The following GDPD4 variants were observed in gnomAD, a reference collection of about 807,000 sequenced individuals.
The protein encoded by GDPD4 is glycerophosphodiester phosphodiesterase 6.
In GDPD4, 60 loss-of-function variants were observed where a neutral mutation model predicts 67.8. The observed-to-expected ratio is 0.88, with a 90% CI of 0.72 to 1.10. GDPD4 has a LOEUF of 1.10. GDPD4 is among the 50% of genes least tolerant of loss of function. GDPD4 has a pLI of 0.00. For synonymous variants in GDPD4, 212 were observed against 210.9 expected, an observed-to-expected ratio of 1.00 and a Z score of -0.04; for missense variants, 623 against 613.9, an observed-to-expected ratio of 1.01 and a Z score of -0.16.
In GDPD4 at chr11:77,268,541, T is replaced by G. The variant is rs117320886; in HGVS notation, c.625-2A>C. The stretch of plus-strand genomic sequence containing the variant: ...CATCATGGTATTCTCAGGCCCCAAC[T>G]GTAGAAGAAAAGGACATCAGGCCCT... On this transcript the variant is annotated splice_acceptor_variant, in intron 9 of 16. Coordinates refer to ENST00000315938, the MANE Select transcript of GDPD4 (RefSeq NM_182833.3). LOFTEE classifies it high-confidence loss of function. The G allele has an allele frequency of 7.7e-4, 1,244 of 1,609,442 alleles. 14 individuals carry two copies. In the East Asian group the frequency reaches 0.023, roughly 30 times the overall value.
chr11:77,253,102 T>C (rs1012422246), intron 11 of GDPD4, among the ~76,000 whole-genome samples: 2 of 152,292 alleles, frequency 1.3e-5, no homozygotes, highest in African/African-American at 4.8e-5. Flanking sequence ...TGGACATAGG[T>C]TGCCCACACC....
At chr11:77,298,749 G>A (rs1487369505) in intron 1 of GDPD4, among the ~76,000 whole-genome samples, 3 of 152,064 alleles carry the variant, frequency 2.0e-5, no homozygotes, top group East Asian at 3.9e-4. Context: ...ATTCTTTACA[G>A]ATGCCACGCC....
intron 12 of GDPD4, among the ~76,000 whole-genome samples, chr11:77,244,690 AT>A (rs1286387376): frequency 1.3e-5 from 2 of 152,104 alleles, no homozygotes; most frequent in Non-Finnish European, 2.9e-5. Context: ...TTTAAAAAAA[AT>A]CATCTTTGAG....
intron 1 of GDPD4, among the ~76,000 whole-genome samples, chr11:77,294,437 T>G (rs1937882182): frequency 6.6e-6 from 1 of 152,202 alleles, no homozygotes; most frequent in South Asian, 2.1e-4. Context: ...ATCTGCATGC[T>G]GAAAACTATA....
At chr11:77,234,112 G>A (rs1280179504) in intron 13 of GDPD4, among the ~76,000 whole-genome samples, 1 of 152,100 alleles carries the variant, frequency 6.6e-6, no homozygotes, top group African/African-American at 2.4e-5. Context: ...ACAAGCCTGG[G>A]TTTGAATCCC....
intron 14 of GDPD4, among the ~76,000 whole-genome samples, chr11:77,229,884 T>G (rs1185000930): frequency 6.6e-6 from 1 of 152,166 alleles, no homozygotes; most frequent in Non-Finnish European, 1.5e-5. Flanking sequence ...GTCCTCTCAT[T>G]GAGTTTGATG....
chr11:77,272,934 C>G (rs376729259), intron 5 of GDPD4, among the ~76,000 whole-genome samples: 1 of 151,870 alleles, frequency 6.6e-6, no homozygotes, highest in Non-Finnish European at 1.5e-5. Flanking sequence ...GCTTCACAGG[C>G]GTCATTTTGG....
intron 1 of GDPD4, among the ~76,000 whole-genome samples, chr11:77,299,760 C>T (rs914073643): frequency 6.6e-6 from 1 of 152,112 alleles, no homozygotes; most frequent in Non-Finnish European, 1.5e-5. Context: ...TGGTTGAGCC[C>T]AAAGTCAACA....
chr11:77,279,520 A>C, intron 3 of GDPD4, 121 bp from the exon 4 acceptor site: 1 of 530,486 alleles, frequency 1.9e-6, no homozygotes, highest in Non-Finnish European at 3.5e-6. Context: ...AAAAAGAAGC[A>C]GTGTGTGAAC....
chr11:77,297,330 A>G (rs908485094), intron 1 of GDPD4, among the ~76,000 whole-genome samples: 1 of 151,814 alleles, frequency 6.6e-6, no homozygotes. Flanking sequence ...GCGGATCACG[A>G]GGTCAGGAGA....
Position 77,301,258 on chromosome 11 carries a change from C to T in GDPD4, c.-254+347G>A, listed in dbSNP as rs576976290. ...CCCTGATGTTTTTTCCCTCTAAAAT[C>T]GATTCCTCCTGCAATCTGTCCCATC... On this transcript the variant is annotated intron_variant, in intron 1 of 16. Coordinates refer to ENST00000315938, the MANE Select transcript of GDPD4 (RefSeq NM_182833.3). Among the ~76,000 whole-genome samples, 5 of 152,210 alleles carry T rather than the reference C, an allele frequency of 3.3e-5. No individual in the cohort carries two copies. The South Asian group carries it at 8.3e-4, about 25-fold the overall frequency.
intron 13 of GDPD4, among the ~76,000 whole-genome samples, chr11:77,237,255 AAT>A (rs1958585826): frequency 6.6e-6 from 1 of 152,188 alleles, no homozygotes; most frequent in South Asian, 2.1e-4. Flanking sequence ...AGCCACAATC[AAT>A]GTCTCTCCTT....
chr11:77,279,757 A>C (rs1034897317), intron 3 of GDPD4, among the ~76,000 whole-genome samples: 3 of 152,070 alleles, frequency 2.0e-5, no homozygotes, highest in African/African-American at 7.2e-5. Flanking sequence ...AATACTTTAC[A>C]CTTTGGCAGG....
intron 12 of GDPD4, among the ~76,000 whole-genome samples, chr11:77,244,982 G>A (rs949077545): frequency 1.3e-5 from 2 of 152,112 alleles, no homozygotes; most frequent in African/African-American, 4.8e-5. Flanking sequence ...CTATGTTGGT[G>A]TGGTGCAGGT....
intron 1 of GDPD4, among the ~76,000 whole-genome samples, chr11:77,297,067 A>C (rs1040040391): frequency 1.3e-5 from 2 of 151,452 alleles, no homozygotes; most frequent in African/African-American, 4.9e-5. Flanking sequence ...AAACAAAAAA[A>C]AAAAAACAAA....
At chr11:77,276,691 T>G (rs1959485814) in intron 4 of GDPD4, among the ~76,000 whole-genome samples, 1 of 152,188 alleles carries the variant, frequency 6.6e-6, no homozygotes, top group Non-Finnish European at 1.5e-5. Context: ...TTGTTAACAC[T>G]GGTATAGATT....
intron 16 of GDPD4, 87 bp from the exon 17 acceptor site, chr11:77,217,401 T>A: frequency 9.5e-7 from 1 of 1,047,244 alleles, no homozygotes; most frequent in South Asian, 1.3e-5. Flanking sequence ...ATCTCTTAAA[T>A]GTTAGCCACT....
intron 14 of GDPD4, among the ~76,000 whole-genome samples, chr11:77,232,703 G>T (rs1958476364): frequency 6.6e-6 from 1 of 152,192 alleles, no homozygotes; most frequent in African/African-American, 2.4e-5. Context: ...CCTGCCTCAT[G>T]AAACCACATG....
At chr11:77,298,152 G>GA (rs1938040136) in intron 1 of GDPD4, among the ~76,000 whole-genome samples, 1 of 151,898 alleles carries the variant, frequency 6.6e-6, no homozygotes, top group Non-Finnish European at 1.5e-5. Context: ...TTCAGTTTAA[G>GA]AAAAGGAACT....
Sources: allele counts gnomAD v4.1 joint callset (sites outside exome capture counted in the v4.1 genomes callset), GRCh38; gene constraint gnomAD v4.1.1; transcripts MANE v1.5; gene names NCBI Gene and HGNC (gene_info 2026-07-23, HGNC 2026-07-21).